ADAD2: variants seen among roughly 807,000 people sequenced by gnomAD.
ADAD2 encodes the protein adenosine deaminase domain-containing protein 2.
A neutral mutation model predicts 54.5 loss-of-function variants in ADAD2; 60 were observed. The ratio of observed to expected loss-of-function variants is 1.10; its 90% CI spans 0.89 to 1.36. The LOEUF (loss-of-function observed/expected upper bound fraction) is 1.36. ADAD2 is among the 40% of genes most tolerant of loss of function. ADAD2 has a pLI of 0.00. For missense variants in ADAD2, 1,103 were observed against 801.3 expected (o/e 1.38, Z -4.54); for synonymous variants, 543 against 366.2 (o/e 1.48, Z -5.51).
In ADAD2 at chr16:84,195,114, C is replaced by T; in HGVS notation, c.653C>T (p.Ala218Val). The T allele has an allele frequency of 6.2e-7, 1 of 1,613,708 alleles. No homozygotes were observed. The highest frequency in any genetic ancestry group is 8.5e-7 in the Non-Finnish European group (1 of 1,179,990). Reference sequence around the variant, plus strand: ...CAGCGCTGCGCAGCGTTGGTGAGCGCCGGCTTTGACCTCCTGTTGGACGAG... The same window carrying T: ...CAGCGCTGCGCAGCGTTGGTGAGCGTCGGCTTTGACCTCCTGTTGGACGAG... The part of the protein sequence containing the change: ...HEQRCAALVS[A>V]GFDLLLDERS... Residue 218 changes from alanine to valine, a missense_variant, in exon 4 of 10, where the codon GCC (alanine) becomes GTC (valine). Physicochemically the swap from Ala to Val is moderately conservative, Grantham distance 64. Coordinates refer to ENST00000315906, the MANE Select transcript of ADAD2 (RefSeq NM_001145400.2).
chr16:84,195,844 C>T lies in ADAD2; in HGVS notation c.1082C>T (p.Pro361Leu), dbSNP rs766729531. The change falls in exon 7 of 10, where the codon CCG (proline) becomes CTG (leucine). Residue 361 changes from proline (P) to leucine (L), a missense_variant. Coordinates refer to ENST00000315906, the MANE Select transcript of ADAD2 (RefSeq NM_001145400.2). ...CCCCCCACCTCGGAAGGTGGCCTCCCGCACAGCCCACCCATGCGCCTGCAG... is the reference window on the plus strand; with the variant it reads ...CCCCCCACCTCGGAAGGTGGCCTCCTGCACAGCCCACCCATGCGCCTGCAG... Reference protein sequence around the residue: ...YLPPTSEGGLPHSPPMRLQAH... With the variant: ...YLPPTSEGGLLHSPPMRLQAH... 1.4e-5 allele frequency: 22 copies of T among 1,607,392 alleles called. No individual in the cohort carries two copies. The highest frequency in any genetic ancestry group is 1.6e-4 in the Middle Eastern group (1 of 6,064).
chr16:84,192,290 G>T (rs936206469), intron 1 of ADAD2, among the ~76,000 whole-genome samples: 2 of 151,728 alleles, frequency 1.3e-5, no homozygotes, highest in Non-Finnish European at 2.9e-5. Flanking sequence ...GACTACAGGT[G>T]GACTCCACTA....
chr16:84,191,351 A>G lies in ADAD2; in HGVS notation c.121A>G (p.Ser41Gly), dbSNP rs1348339830. 2 of 1,563,700 alleles carry G rather than the reference A, an allele frequency of 1.3e-6. No homozygotes were observed. The highest frequency in any genetic ancestry group is 3.9e-5 in the Admixed American group (2 of 51,424). ...PWRPLPAQAQSAWGPAPAPAT... is the reference protein window; with the variant it reads ...PWRPLPAQAQGAWGPAPAPAT... ...GCGACCGCTACCCGCCCAGGCCCAA[A>G]GTGCCTGGGGGCCCGCGCCCGCGCC... The change falls in exon 1 of 10, where the codon AGT (serine) becomes GGT (glycine). Residue 41 changes from serine (S) to glycine (G), a missense_variant. Transcript: ENST00000315906.
chr16:84,194,276 T>C, intron 1 of ADAD2, 166 bp from the exon 2 acceptor site: 1 of 1,551,012 alleles, frequency 6.4e-7, no homozygotes, highest in Non-Finnish European at 8.7e-7. Context: ...CACTCAAGGG[T>C]GTGCGCGGCA....
intron 2 of ADAD2, 159 bp downstream of exon 2, chr16:84,194,741 G>T: frequency 7.3e-7 from 1 of 1,369,926 alleles, no homozygotes; most frequent in South Asian, 1.3e-5. Flanking sequence ...GGGAGCTGGG[G>T]CGGGGTACAT....
In ADAD2 at chr16:84,194,956, C is replaced by G; in HGVS notation, c.583C>G (p.Pro195Ala). The G allele has an allele frequency of 6.2e-7, 1 of 1,612,536 alleles. No homozygotes were observed. Among genetic ancestry groups the G allele is most frequent in the Non-Finnish European group, 8.5e-7 (1 of 1,179,394 alleles). ...NPESPQTSSR[P>A]PLAPLSVENI... ...AGAGTCCCCCCAGACCTCCAGCCGGCCTCCACTGGCCCCCCTGAGCGTAGG... is the reference window on the plus strand; with the variant it reads ...AGAGTCCCCCCAGACCTCCAGCCGGGCTCCACTGGCCCCCCTGAGCGTAGG... The change falls in exon 3 of 10, where the codon CCT becomes GCT. Residue 195 changes from proline to alanine, a missense_variant. Physicochemically the swap from Pro to Ala is conservative, Grantham distance 27. Coordinates refer to ENST00000315906, the MANE Select transcript of ADAD2 (RefSeq NM_001145400.2).
At chr16:84,191,825 G>T (rs1321864702) in intron 1 of ADAD2, 177 bp downstream of exon 1, 7 of 902,786 alleles carry the variant, frequency 7.8e-6, no homozygotes, top group Non-Finnish European at 1.0e-5. Flanking sequence ...GCTGTGAGCA[G>T]CGATCTCCAA....
intron 1 of ADAD2, 178 bp downstream of exon 1, chr16:84,191,826 C>T (rs994629372): frequency 6.7e-6 from 6 of 894,212 alleles, no homozygotes; most frequent in East Asian, 2.6e-5. Flanking sequence ...CTGTGAGCAG[C>T]GATCTCCAAG....
intron 8 of ADAD2, 26 bp downstream of exon 8, chr16:84,196,396 C>A: frequency 6.3e-7 from 1 of 1,599,842 alleles, no homozygotes; most frequent in Non-Finnish European, 8.5e-7. Flanking sequence ...TGGGGCCGGG[C>A]TGTGGAGCAG....
At chr16:84,195,775 G>A (rs1210607100) in intron 6 of ADAD2, 40 bp from the exon 7 acceptor site, 1 of 1,555,652 alleles carries the variant, frequency 6.4e-7, no homozygotes, top group East Asian at 2.3e-5. Flanking sequence ...GGTCAGAAGA[G>A]CAGCCCTGAA....
At chr16:84,195,753 G>A (rs1036541885) in intron 6 of ADAD2, 56 bp downstream of exon 6, 2 of 1,536,514 alleles carry the variant, frequency 1.3e-6, no homozygotes, top group African/African-American at 1.4e-5. Flanking sequence ...TGGGCTGCTG[G>A]GTGGGGGCCA....
chr16:84,191,922 C>A, intron 1 of ADAD2: 2 of 575,284 alleles, frequency 3.5e-6, no homozygotes, highest in South Asian at 2.0e-5. Context: ...GAGGTTAAGG[C>A]CCCCTGGTAT....
In ADAD2 at chr16:84,191,445, G is replaced by T; in HGVS notation, c.215G>T (p.Gly72Val). The T allele has an allele frequency of 2.0e-6, 3 of 1,518,292 alleles. No homozygotes were observed. Among genetic ancestry groups the T allele is most frequent in the Non-Finnish European group, 2.6e-6 (3 of 1,135,740 alleles). 94.1% of individuals were successfully genotyped at this position (1,518,292 alleles called of 1,614,324 possible). A position where few individuals can be genotyped will look rare whatever the true frequency, so the allele number is the denominator to read the frequency against. ...TTGAGGGACAGTGGGCCTGGGGCAGGGGCCGGAGTCGGGGAACTGGGGGCA... is the reference window on the plus strand; with the variant it reads ...TTGAGGGACAGTGGGCCTGGGGCAGTGGCCGGAGTCGGGGAACTGGGGGCA... ...SVLRDSGPGAGAGVGELGAAR... is the reference protein window; with the variant it reads ...SVLRDSGPGAVAGVGELGAAR... The change falls in exon 1 of 10, where the codon GGG becomes GTG. Residue 72 changes from glycine (G) to valine (V), a missense_variant. Gly to Val is a moderately radical substitution (Grantham distance 109). Coordinates refer to ENST00000315906, the MANE Select transcript of ADAD2 (RefSeq NM_001145400.2).
At chr16:84,191,686 G>C in intron 1 of ADAD2, 38 bp downstream of exon 1, 2 of 1,546,746 alleles carry the variant, frequency 1.3e-6, no homozygotes, top group Admixed American at 1.9e-5. Context: ...CCAGAGGGCA[G>C]AGCCACGGAG....
At chr16:84,193,928 G>C in intron 1 of ADAD2, 1 of 1,380,144 alleles carries the variant, frequency 7.2e-7, no homozygotes, top group Non-Finnish European at 9.9e-7. Context: ...CTGCACCTTT[G>C]ACCATGTGAT....
In ADAD2 at chr16:84,195,561, CA is replaced by C. The variant is rs923799301; in HGVS notation, c.917del (p.Gln306ArgfsTer71). 6.3e-6 allele frequency: 10 copies of C among 1,599,192 alleles called. No homozygotes were observed. The highest frequency in any genetic ancestry group is 7.7e-6 in the Non-Finnish European group (9 of 1,172,800). On this transcript the variant is annotated frameshift_variant, in exon 6 of 10. Coordinates refer to ENST00000315906, the MANE Select transcript of ADAD2 (RefSeq NM_001145400.2). LOFTEE classifies it high-confidence loss of function. ...GTTCCGGCAGCTCCTGCTGGCCACACAGGGGGGCCCCAAGGGCAAGGAGCAG... is the reference window on the plus strand; with the variant it reads ...GTTCCGGCAGCTCCTGCTGGCCACACGGGGGGCCCCAAGGGCAAGGAGCAG... Reference protein sequence around the residue: ...FLFRQLLLATQGGPKGKEQSV... With the variant: ...FLFRQLLLATXGGPKGKEQSV...
chr16:84,194,070 G>A, intron 1 of ADAD2: 1 of 1,612,196 alleles, frequency 6.2e-7, no homozygotes, highest in Non-Finnish European at 8.5e-7. Context: ...TGTGGCAGGT[G>A]GAAGTGCTCA....
rs372344589 is a variant in ADAD2 at position 84,195,354 on chromosome 16, C to T, written c.792C>T (p.Thr264=). The T allele has an allele frequency of 1.0e-4, 161 of 1,609,158 alleles. No individual in the cohort carries two copies. Among genetic ancestry groups the T allele is most frequent in the Non-Finnish European group, 1.2e-4 (144 of 1,179,474 alleles). ...TCTACAAGCTGGTGGCTCTGGGCAC[C>T]GGCAGCAGCTGCTGTGCTGGCTGGC... ...KEIYKLVALG[T]GSSCCAGWLE... is the part of the protein sequence containing the mutation. The change falls in exon 5 of 10, where the codon ACC becomes ACT. Residue 264 remains threonine (T), a synonymous_variant. Transcript: ENST00000315906.
At chr16:84,196,401 G>T (rs772811239) in intron 8 of ADAD2, 31 bp downstream of exon 8, 18 of 1,596,350 alleles carry the variant, frequency 1.1e-5, no homozygotes, top group Non-Finnish European at 1.5e-5. Flanking sequence ...CCGGGCTGTG[G>T]AGCAGTGCTG....
Sources: allele counts gnomAD v4.1 joint callset (sites outside exome capture counted in the v4.1 genomes callset), GRCh38; gene constraint gnomAD v4.1.1; transcripts MANE v1.5; gene names NCBI Gene and HGNC (gene_info 2026-07-23, HGNC 2026-07-21).